The following ADARB2 variants were observed in gnomAD, a reference collection of about 807,000 sequenced individuals.
The protein encoded by ADARB2 is inactive double-stranded RNA-specific editase B2.
Under a neutral mutation model 62.2 loss-of-function variants are expected in ADARB2, and 25 were observed. That is an observed-to-expected ratio of 0.40 (90% CI 0.29 to 0.56). The LOEUF (loss-of-function observed/expected upper bound fraction) is 0.56, where lower values mean the gene tolerates loss of function less well. Ranked by LOEUF, ADARB2 falls within the 20% of genes least tolerant of loss-of-function variation. The probability of loss-of-function intolerance (pLI) is 0.43; values close to 1 mark genes in which losing one functional copy is unlikely to be tolerated. For synonymous variants in ADARB2, 572 were observed against 500.8 expected (o/e 1.14, Z -1.90); for missense variants, 1,071 against 1,077.4 (o/e 0.99, Z 0.08).
chr10:1,443,794 T>G (rs992696163), intron 1 of ADARB2, among the ~76,000 whole-genome samples: 2 of 152,108 alleles, frequency 1.3e-5, no homozygotes, highest in African/African-American at 4.8e-5. Context: ...TGATAAAAAC[T>G]AAATAAAAGG....
At chr10:1,697,875 C>T (rs1834767174) in intron 1 of ADARB2, among the ~76,000 whole-genome samples, 1 of 152,222 alleles carries the variant, frequency 6.6e-6, no homozygotes, top group African/African-American at 2.4e-5. Context: ...ACCGTGAATT[C>T]ATCCCTATTT....
In ADARB2 at chr10:1,327,217, T is replaced by TCC. The variant is rs1831869619; in HGVS notation, c.1077+35810_1077+35811insGG. On this transcript the variant is annotated intron_variant, in intron 3 of 9. Coordinates refer to ENST00000381312, the MANE Select transcript of ADARB2 (RefSeq NM_018702.4). ...CCCAAGGCACAGCGCCTCCTCACAG[T>TCC]TCAGCGCCTCCCCACGGCACAGCAC... is the stretch of plus-strand genomic sequence containing the variant. Among the ~76,000 whole-genome samples the TCC allele has an allele frequency of 2.1e-4, 8 of 37,800 alleles. No homozygotes were observed. The South Asian group carries it at 3.9e-3, about 18-fold the overall frequency. The allele number at this position is 37,800 out of a possible 152,430, so 24.8% of individuals were successfully genotyped here. A position where few individuals can be genotyped will look rare whatever the true frequency, so the allele number is the denominator to read the frequency against.
intron 1 of ADARB2, among the ~76,000 whole-genome samples, chr10:1,447,149 G>T (rs1299926437): frequency 6.6e-6 from 1 of 152,288 alleles, no homozygotes; most frequent in African/African-American, 2.4e-5. Flanking sequence ...TCGGATGCAC[G>T]GGTCAGTGGG....
intron 3 of ADARB2, among the ~76,000 whole-genome samples, chr10:1,294,793 C>G (rs1589182090): frequency 6.6e-6 from 1 of 152,324 alleles, no homozygotes; most frequent in Admixed American, 6.5e-5. Flanking sequence ...TAGCGCTACC[C>G]AATTCTGACA....
At chr10:1,206,430 C>T (rs928552773) in intron 7 of ADARB2, among the ~76,000 whole-genome samples, 3 of 145,540 alleles carry the variant, frequency 2.1e-5, no homozygotes, top group African/African-American at 2.5e-5. Flanking sequence ...AGAACTGGGG[C>T]GTCTCCTCCA....
At chr10:1,730,454 G>C (rs79833147) in intron 1 of ADARB2, among the ~76,000 whole-genome samples, 2,026 of 152,260 alleles carry the variant, frequency 0.013, 42 homozygotes, top group African/African-American at 0.047. Context: ...TGAATTAGCT[G>C]TTTAGTTACA....
intron 1 of ADARB2, among the ~76,000 whole-genome samples, chr10:1,425,030 C>T (rs909802311): frequency 3.9e-5 from 6 of 152,344 alleles, no homozygotes; most frequent in Non-Finnish European, 7.3e-5. Context: ...TGAGTCTCTT[C>T]TAACGCACGT....
intron 1 of ADARB2, among the ~76,000 whole-genome samples, chr10:1,462,719 G>A (rs1831193193): frequency 6.6e-6 from 1 of 151,962 alleles, no homozygotes; most frequent in African/African-American, 2.4e-5. Flanking sequence ...GTGCATGACT[G>A]TATGTGCATG....
At chr10:1,251,248 AAAAAT>A (rs1196332924) in intron 4 of ADARB2, among the ~76,000 whole-genome samples, 1 of 152,230 alleles carries the variant, frequency 6.6e-6, no homozygotes, top group Non-Finnish European at 1.5e-5. Context: ...ACTCAGCACT[AAAAAT>A]AAATCAGTTA....
intron 3 of ADARB2, among the ~76,000 whole-genome samples, chr10:1,337,028 A>T (rs1160294511): frequency 2.0e-5 from 3 of 151,296 alleles, no homozygotes; most frequent in Non-Finnish European, 4.4e-5. Flanking sequence ...AACTAATCCA[A>T]ATAAAGATTT....
chr10:1,243,428 C>T (rs1230821569), intron 4 of ADARB2, among the ~76,000 whole-genome samples: 1 of 152,206 alleles, frequency 6.6e-6, no homozygotes, highest in Non-Finnish European at 1.5e-5. Flanking sequence ...TAATGTCACG[C>T]CAGAAGCAGG....
rs373810659 is a variant in ADARB2 at position 1,537,354 on chromosome 10, A to G, written c.101-158194T>C. On this transcript the variant is annotated intron_variant, in intron 1 of 9. Coordinates refer to ENST00000381312, the MANE Select transcript of ADARB2 (RefSeq NM_018702.4). ...TGTGGAGAAATTGGAACACTTTTACACTGTTGGTGGGAATGTAAATTAGTT... is the reference window on the plus strand; with the variant it reads ...TGTGGAGAAATTGGAACACTTTTACGCTGTTGGTGGGAATGTAAATTAGTT... Among the ~76,000 whole-genome samples, 7 of 152,356 alleles carry G rather than the reference A, an allele frequency of 4.6e-5. No homozygotes were observed. In the South Asian group the frequency reaches 1.4e-3, roughly 32 times the overall value.
At chr10:1,577,655 G>C (rs1389962617) in intron 1 of ADARB2, among the ~76,000 whole-genome samples, 4 of 152,158 alleles carry the variant, frequency 2.6e-5, no homozygotes, top group African/African-American at 9.7e-5. Context: ...GGTGGGAAAG[G>C]ACGGTGGGTG....
At chr10:1,688,516 A>G (rs768529332) in intron 1 of ADARB2, among the ~76,000 whole-genome samples, 1 of 152,236 alleles carries the variant, frequency 6.6e-6, no homozygotes, top group African/African-American at 2.4e-5. Flanking sequence ...TGAGATCTGC[A>G]CCAATGGAAA....
At chr10:1,230,902 C>T (rs1291444645) in intron 6 of ADARB2, among the ~76,000 whole-genome samples, 1 of 152,186 alleles carries the variant, frequency 6.6e-6, no homozygotes, top group Non-Finnish European at 1.5e-5. Flanking sequence ...CTCCTACCAG[C>T]ACCTGCCACT....
At chr10:1,675,537 G>A in intron 1 of ADARB2, 2 of 965,756 alleles carry the variant, frequency 2.1e-6, no homozygotes, top group South Asian at 9.6e-5. Flanking sequence ...CAGGAGGTTT[G>A]GGTTTGGGGG....
At chr10:1,231,116 C>T (rs2131767644) in intron 6 of ADARB2, among the ~76,000 whole-genome samples, 1 of 152,214 alleles carries the variant, frequency 6.6e-6, no homozygotes. Flanking sequence ...CACGGGGTCT[C>T]AGGCGTGGAC....
At chr10:1,642,649 T>C (rs1053654179) in intron 1 of ADARB2, among the ~76,000 whole-genome samples, 1 of 152,124 alleles carries the variant, frequency 6.6e-6, no homozygotes, top group Non-Finnish European at 1.5e-5. Context: ...ACCACAGGGC[T>C]TTCAAAATAG....
chr10:1,713,530 T>C (rs1834978206), intron 1 of ADARB2, among the ~76,000 whole-genome samples: 1 of 152,118 alleles, frequency 6.6e-6, no homozygotes, highest in Non-Finnish European at 1.5e-5. Context: ...AGCAGGACGG[T>C]GCTGCAAGAC....
Sources: gnomAD v4.1 joint callset for allele counts (sites outside exome capture counted in the v4.1 genomes callset) on GRCh38, gnomAD v4.1.1 for gene constraint, MANE v1.5 for transcripts, NCBI Gene and HGNC (gene_info 2026-07-23, HGNC 2026-07-21) for gene names.